AGBL4: variants seen among roughly 807,000 people sequenced by gnomAD.
AGBL4 encodes AGBL carboxypeptidase 4.
AGBL4 carries 58 observed loss-of-function variants against 66.4 expected under a neutral mutation model. That is an observed-to-expected ratio of 0.87 (90% confidence interval 0.71 to 1.09). The LOEUF (loss-of-function observed/expected upper bound fraction) is 1.09. Ranked by LOEUF, AGBL4 falls within the 50% of genes least tolerant of loss-of-function variation. The pLI is 0.00. For missense variants in AGBL4, 579 were observed against 631.0 expected, an observed-to-expected ratio of 0.92 and a Z score of 0.88; for synonymous variants, 234 against 222.9, an observed-to-expected ratio of 1.05 and a Z score of -0.44.
downstream of AGBL4, among the ~76,000 whole-genome samples, chr1:48,528,717 T>C (rs1243627273): frequency 1.3e-5 from 2 of 152,238 alleles, no homozygotes; most frequent in East Asian, 3.9e-4. Flanking sequence ...TGAAGACAGA[T>C]ATGTGAGTGC....
chr1:49,967,478 A>G (rs982429892), intron 1 of AGBL4, among the ~76,000 whole-genome samples: 4 of 151,928 alleles, frequency 2.6e-5, no homozygotes, highest in African/African-American at 9.7e-5. Context: ...ACACATGGAC[A>G]TAGGGAGGGG....
chr1:49,032,415 A>G (rs1664307207), intron 5 of AGBL4, among the ~76,000 whole-genome samples: 1 of 152,184 alleles, frequency 6.6e-6, no homozygotes, highest in Non-Finnish European at 1.5e-5. Context: ...AGGGGGTTGT[A>G]TAGGCTGATG....
In AGBL4 at chr1:49,302,605, ATTTTTTTATT is replaced by A. The variant is rs1410829576; in HGVS notation, c.283-56751_283-56742del. 1.0e-2 allele frequency among the ~76,000 whole-genome samples: 843 copies of A among 84,462 alleles called. 18 individuals carry two copies. The highest frequency in any genetic ancestry group is 0.026 in the Middle Eastern group (3 of 116). 55.4% of individuals were successfully genotyped at this position (84,462 alleles called of 152,430 possible). ...TTTATTTTATTTTATATTTTATTTT[ATTTTTTTATT>A]TTATTTTATTTTATTTTATTTTATT... On this transcript the variant is annotated intron_variant, in intron 3 of 13. Coordinates refer to ENST00000371839, the MANE Select transcript of AGBL4 (RefSeq NM_032785.4).
chr1:49,510,466 G>A (rs1649116951), intron 3 of AGBL4, among the ~76,000 whole-genome samples: 2 of 150,080 alleles, frequency 1.3e-5, no homozygotes, highest in African/African-American at 4.9e-5. Flanking sequence ...TGAGTTCATT[G>A]TAGATTCTGG....
intron 3 of AGBL4, among the ~76,000 whole-genome samples, chr1:49,454,124 A>G (rs1333587054): frequency 1.3e-5 from 2 of 151,814 alleles, no homozygotes; most frequent in Admixed American, 6.6e-5. Flanking sequence ...TGGAATTTTT[A>G]AGGAAAAACT....
At chr1:49,917,705 A>G (rs1651705996) in intron 1 of AGBL4, among the ~76,000 whole-genome samples, 1 of 152,202 alleles carries the variant, frequency 6.6e-6, no homozygotes, top group Non-Finnish European at 1.5e-5. Context: ...GATACTCAGG[A>G]ATTAAACTCA....
At chr1:49,087,735 A>G (rs1644933046) in intron 4 of AGBL4, among the ~76,000 whole-genome samples, 1 of 152,222 alleles carries the variant, frequency 6.6e-6, no homozygotes, top group Non-Finnish European at 1.5e-5. Flanking sequence ...GAAATACAGA[A>G]AACCCTTGTG....
chr1:48,730,498 G>A (rs1034220899), intron 6 of AGBL4, among the ~76,000 whole-genome samples: 1 of 152,190 alleles, frequency 6.6e-6, no homozygotes, highest in African/African-American at 2.4e-5. Context: ...AAGTGGCAAA[G>A]GAGACAGAAG....
chr1:49,540,955 A>G (rs1177291194), intron 3 of AGBL4, among the ~76,000 whole-genome samples: 1 of 152,196 alleles, frequency 6.6e-6, no homozygotes, highest in Admixed American at 6.5e-5. Context: ...GCCAAGGTAC[A>G]GAAGAAATAG....
chr1:49,962,866 G>T (rs1331382224), intron 1 of AGBL4, among the ~76,000 whole-genome samples: 1 of 152,148 alleles, frequency 6.6e-6, no homozygotes, highest in Admixed American at 6.6e-5. Context: ...GGGAAGAAAA[G>T]TAGGGCTCAG....
chr1:49,004,535 T>C (rs552278192), intron 5 of AGBL4, among the ~76,000 whole-genome samples: 19 of 152,274 alleles, frequency 1.2e-4, no homozygotes, highest in East Asian at 7.7e-4. Flanking sequence ...ATCTCATCTA[T>C]ACCAAGCTCT....
intron 4 of AGBL4, among the ~76,000 whole-genome samples, chr1:49,182,590 A>T (rs1001476386): frequency 6.6e-6 from 1 of 152,242 alleles, no homozygotes; most frequent in Non-Finnish European, 1.5e-5. Flanking sequence ...TGGATGCAAA[A>T]GTGATTTATA....
chr1:48,526,486 G>A, the AGBL4 span, among the ~76,000 whole-genome samples: 1 of 152,192 alleles, frequency 6.6e-6, no homozygotes, highest in African/African-American at 2.4e-5. Context: ...TAAGCACTCA[G>A]TCAGGGCAGA....
chr1:49,734,998 G>C (rs975884390), intron 2 of AGBL4, among the ~76,000 whole-genome samples: 2 of 152,032 alleles, frequency 1.3e-5, no homozygotes, highest in Non-Finnish European at 2.9e-5. Context: ...ACAAAGATGT[G>C]AAATCAGTTA....
chr1:48,634,289 C>T, intron 9 of AGBL4: 2 of 432,774 alleles, frequency 4.6e-6, no homozygotes, highest in Middle Eastern at 6.4e-4. Flanking sequence ...AAACTGAATC[C>T]ACTATTTGTG....
intron 9 of AGBL4, among the ~76,000 whole-genome samples, chr1:48,607,318 T>C (rs949985076): frequency 2.6e-5 from 4 of 152,078 alleles, no homozygotes; most frequent in African/African-American, 7.2e-5. Flanking sequence ...AACACCATCA[T>C]AGAAAGTCTA....
At chr1:48,874,606 T>G (rs1298123159) in intron 5 of AGBL4, among the ~76,000 whole-genome samples, 36 of 152,286 alleles carry the variant, frequency 2.4e-4, no homozygotes, top group Admixed American at 2.4e-3. Flanking sequence ...AATATTTACA[T>G]CCAAATATTA....
intron 3 of AGBL4, among the ~76,000 whole-genome samples, chr1:49,660,140 G>T (rs557697184): frequency 3.3e-5 from 5 of 152,194 alleles, no homozygotes; most frequent in African/African-American, 1.2e-4. Flanking sequence ...CACAGCAAAA[G>T]AAACTATATC....
intron 5 of AGBL4, among the ~76,000 whole-genome samples, chr1:48,995,663 T>G (rs1057315181): frequency 6.6e-6 from 1 of 152,124 alleles, no homozygotes; most frequent in African/African-American, 2.4e-5. Flanking sequence ...ACCCAAAAAA[T>G]GAAAACTTTC....
Sources: gnomAD v4.1 joint callset for allele counts (sites outside exome capture counted in the v4.1 genomes callset) on GRCh38, gnomAD v4.1.1 for gene constraint, MANE v1.5 for transcripts, NCBI Gene and HGNC (gene_info 2026-07-23, HGNC 2026-07-21) for gene names.